TBC1D14: variants seen among roughly 807,000 people sequenced by gnomAD.
The protein encoded by TBC1D14 is TBC1 domain family member 14.
A neutral mutation model predicts 79.0 loss-of-function variants in TBC1D14; 26 were observed. The ratio of observed to expected loss-of-function variants is 0.33; its 90% confidence interval spans 0.24 to 0.46. TBC1D14 has a LOEUF of 0.46. Ranked by LOEUF, TBC1D14 falls within the 20% of genes least tolerant of loss-of-function variation. TBC1D14 has a pLI of 1.00. For synonymous variants in TBC1D14, 394 were observed against 349.9 expected, an observed-to-expected ratio of 1.13 and a Z score of -1.40; for missense variants, 769 against 887.6, an observed-to-expected ratio of 0.87 and a Z score of 1.70.
At chr4:6,954,110 C>A in intron 2 of TBC1D14, 1 of 593,200 alleles carries the variant, frequency 1.7e-6, no homozygotes. Context: ...GGGAGGCCCG[C>A]CCTGCCGCCC....
At position 7,015,707 on chromosome 4, in the gene TBC1D14, CG is replaced by C. The variant is rs1288307818; in HGVS notation, c.1757+1153del. On this transcript the variant is annotated intron_variant, in intron 12 of 13. Transcript: ENST00000409757. Reference sequence around the variant, plus strand: ...TCACATGGTGGGAAGAGGGTGCCTCCGGGATCCAGCAGCCCCAGCCCAAACC... The same window carrying C: ...TCACATGGTGGGAAGAGGGTGCCTCCGGATCCAGCAGCCCCAGCCCAAACC... Among the ~76,000 whole-genome samples, 109 of 151,990 alleles carry C rather than the reference CG, an allele frequency of 7.2e-4. 1 individual carries two copies. The highest frequency in any genetic ancestry group is 7.9e-4 in the Non-Finnish European group (54 of 67,962).
intron 2 of TBC1D14, among the ~76,000 whole-genome samples, chr4:6,957,891 A>G (rs1420829801): frequency 1.3e-5 from 2 of 152,000 alleles, no homozygotes; most frequent in Non-Finnish European, 2.9e-5. Flanking sequence ...TGACAGAGTG[A>G]GACTCTCAGG....
chr4:6,942,664 G>T (rs778619736), intron 2 of TBC1D14, among the ~76,000 whole-genome samples: 9 of 152,172 alleles, frequency 5.9e-5, no homozygotes, highest in Non-Finnish European at 1.3e-4. Flanking sequence ...CACATTTTCT[G>T]TGGTGGGAGG....
At chr4:6,912,825 C>A (rs1028844830) in intron 1 of TBC1D14, among the ~76,000 whole-genome samples, 1 of 152,178 alleles carries the variant, frequency 6.6e-6, no homozygotes, top group Non-Finnish European at 1.5e-5. Context: ...TTACTGTCTT[C>A]ATTTTGCTGC....
At chr4:6,917,371 T>C (rs545630364) in intron 1 of TBC1D14, among the ~76,000 whole-genome samples, 1 of 152,216 alleles carries the variant, frequency 6.6e-6, no homozygotes, top group East Asian at 1.9e-4. Context: ...AGAACAGTTG[T>C]AAAATAGCTG....
chr4:6,910,790 A>G (rs1326642468), intron 1 of TBC1D14, among the ~76,000 whole-genome samples: 1 of 152,120 alleles, frequency 6.6e-6, no homozygotes, highest in Non-Finnish European at 1.5e-5. Context: ...CTAAAGTTGC[A>G]TAGGACGCCG....
At chr4:7,014,745 A>C (rs966465798) in intron 12 of TBC1D14, among the ~76,000 whole-genome samples, 188 bp downstream of exon 12, 3 of 152,130 alleles carry the variant, frequency 2.0e-5, no homozygotes, top group Admixed American at 6.5e-5. Context: ...GAATTCCCTC[A>C]AGGGGAGAAA....
At chr4:6,995,478 A>G (rs1159298769) in intron 4 of TBC1D14, 2 of 149,604 alleles carry the variant, frequency 1.3e-5, no homozygotes, top group African/African-American at 4.9e-5. Context: ...GATAATTGTT[A>G]TTTTCTTCCT....
chr4:7,028,426 TTTGTTTG>T (rs1722689402), intron 13 of TBC1D14, among the ~76,000 whole-genome samples: 1 of 151,490 alleles, frequency 6.6e-6, no homozygotes, highest in African/African-American at 2.4e-5. Context: ...CTGTCAGTTT[TTTGTTTG>T]TTTTTTTTTT....
rs1367426298 is a variant in TBC1D14 at position 6,926,077 on chromosome 4, C to T, written c.722+1966C>T. Among the ~76,000 whole-genome samples, 4 of 152,226 alleles carry T rather than the reference C, an allele frequency of 2.6e-5. No homozygotes were observed. The East Asian group carries it at 5.8e-4, about 22-fold the overall frequency. The stretch of plus-strand genomic sequence containing the variant: ...TCCTTCACCTCCCAGTCAGTTTTCT[C>T]ACCCCTAGAACCGTGCGCGGAGGAG... On this transcript the variant is annotated intron_variant, in intron 2 of 13. Coordinates refer to ENST00000409757, the MANE Select transcript of TBC1D14 (RefSeq NM_020773.3).
chr4:6,937,620 C>G (rs1250924926), intron 2 of TBC1D14, among the ~76,000 whole-genome samples: 1 of 152,158 alleles, frequency 6.6e-6, no homozygotes, highest in African/African-American at 2.4e-5. Context: ...GCCAGGTGAT[C>G]AGGGACCAGT....
chr4:7,022,198 G>C (rs1173506590), intron 12 of TBC1D14, among the ~76,000 whole-genome samples: 2 of 152,246 alleles, frequency 1.3e-5, no homozygotes, highest in East Asian at 3.8e-4. Flanking sequence ...CCTGGAGCAG[G>C]GGACAGAAGT....
At chr4:7,014,601 C>A in intron 12 of TBC1D14, 44 bp downstream of exon 12, 1 of 1,343,296 alleles carries the variant, frequency 7.4e-7, no homozygotes. Context: ...TTTCTCAGCC[C>A]TTGTCTGTTC....
chr4:6,925,333 G>T (rs530486190), intron 2 of TBC1D14, among the ~76,000 whole-genome samples: 1 of 152,194 alleles, frequency 6.6e-6, no homozygotes, highest in African/African-American at 2.4e-5. Context: ...GGGCTCTGGG[G>T]CCGGGGCTTG....
chr4:6,938,763 G>A lies in TBC1D14; in HGVS notation c.722+14652G>A, dbSNP rs187408782. 8.0e-4 allele frequency among the ~76,000 whole-genome samples: 122 copies of A among 152,338 alleles called. 1 individual carries two copies. Among genetic ancestry groups the A allele is most frequent in the Admixed American group, 1.2e-3 (18 of 15,306 alleles). On this transcript the variant is annotated intron_variant, in intron 2 of 13. Transcript: ENST00000409757. ...CCTCGTGGATCCCGCATTCACCCAG[G>A]GGGCACAGGAGAGATGCCGGGGTGA...
At position 7,014,433 on chromosome 4, in the gene TBC1D14, ATAT is replaced by A; in HGVS notation, c.1648-11_1648-9del. 6.4e-7 allele frequency: 1 copy of A among 1,568,952 alleles called. No homozygotes were observed. ...TGCAGATAGTTTCTGAGTAAATTTCATATTATCTCCCTAGATGTTGACTTATTT... is the reference window on the plus strand; with the variant it reads ...TGCAGATAGTTTCTGAGTAAATTTCATATCTCCCTAGATGTTGACTTATTT... On this transcript the variant is annotated splice_polypyrimidine_tract_variant and intron_variant, in intron 11 of 13. Coordinates refer to ENST00000409757, the MANE Select transcript of TBC1D14 (RefSeq NM_020773.3).
At chr4:7,028,926 C>T (rs1722759894) in intron 13 of TBC1D14, among the ~76,000 whole-genome samples, 1 of 152,152 alleles carries the variant, frequency 6.6e-6, no homozygotes, top group Non-Finnish European at 1.5e-5. Context: ...CAGCCTGAAC[C>T]TCCGGGGCTC....
intron 2 of TBC1D14, among the ~76,000 whole-genome samples, chr4:6,953,490 G>C (rs1240056389): frequency 6.9e-6 from 1 of 145,852 alleles, no homozygotes; most frequent in East Asian, 2.0e-4. Context: ...AATTAGCCGG[G>C]CGAGGTGGCG....
At chr4:6,986,477 C>T (rs1396376750) in intron 3 of TBC1D14, among the ~76,000 whole-genome samples, 1 of 152,176 alleles carries the variant, frequency 6.6e-6, no homozygotes, top group East Asian at 1.9e-4. Flanking sequence ...TTTATTTTAT[C>T]CTGGCGGCCG....
Sources: gnomAD v4.1 joint callset for allele counts (sites outside exome capture counted in the v4.1 genomes callset) on GRCh38, gnomAD v4.1.1 for gene constraint, MANE v1.5 for transcripts, NCBI Gene and HGNC (gene_info 2026-07-23, HGNC 2026-07-21) for gene names.